The following CTBP2 variants were observed in gnomAD, a reference collection of about 807,000 sequenced individuals.
CTBP2 encodes C-terminal binding protein 2.
Under a neutral mutation model 80.3 loss-of-function variants are expected in CTBP2, and 30 were observed. The ratio of observed to expected loss-of-function variants is 0.37; its 90% confidence interval spans 0.28 to 0.51. The LOEUF is 0.51. Ranked by LOEUF, CTBP2 falls within the 20% of genes least tolerant of loss-of-function variation. The pLI, the probability that CTBP2 is intolerant of heterozygous loss-of-function variation, is 0.93. For missense variants in CTBP2, 1,212 were observed against 1,375.3 expected (o/e 0.88, Z 1.88); for synonymous variants, 594 against 587.4 (o/e 1.01, Z -0.16).
rs370503523 is a variant in CTBP2, at chr10:124,997,946, G to A, written c.2185+18C>T. The A allele has an allele frequency of 9.0e-5, 145 of 1,605,824 alleles. 1 individual carries two copies. The South Asian group carries it at 9.4e-4, about 10-fold the overall frequency. ...AGTGTCGGAGGGGTTGGGGGTCAGC[G>A]CAGAGGGTGGCACGTACCAAAGCCA... On this transcript the variant is annotated intron_variant, in intron 4 of 8. Transcript: ENST00000309035.
chr10:125,131,973 T>C (rs1195717743), intron 1 of CTBP2, among the ~76,000 whole-genome samples: 1 of 152,194 alleles, frequency 6.6e-6, no homozygotes. Flanking sequence ...GCTGGTGGTC[T>C]CTGCCATACT....
chr10:125,096,235 T>G (rs1340004209), intron 2 of CTBP2, among the ~76,000 whole-genome samples: 1 of 152,228 alleles, frequency 6.6e-6, no homozygotes, highest in Non-Finnish European at 1.5e-5. Context: ...TAACACTTCA[T>G]TACTATACTT....
intron 1 of CTBP2, among the ~76,000 whole-genome samples, chr10:125,149,777 G>A (rs1462066825): frequency 1.3e-5 from 2 of 152,202 alleles, no homozygotes; most frequent in African/African-American, 4.8e-5. Context: ...AGGTCAACCT[G>A]GGAGCTCCCG....
At chr10:125,151,336 C>T (rs1435545256) in intron 1 of CTBP2, among the ~76,000 whole-genome samples, 5 of 152,142 alleles carry the variant, frequency 3.3e-5, no homozygotes, top group African/African-American at 1.2e-4. Flanking sequence ...GGGTGAACAG[C>T]AGAGAACGCA....
rs1197555571 is a variant in CTBP2, at chr10:124,986,559, G to C, written c.*2959C>G. On this transcript the variant is annotated 3_prime_UTR_variant, in exon 9 of 9. Transcript: ENST00000309035. The stretch of plus-strand genomic sequence containing the variant: ...TTTTGCTGCATGCTAAATCTTGCAG[G>C]AAAAATGATTTTTTAGTACGATTCT... 2 of 152,088 alleles carry C rather than the reference G, an allele frequency of 1.3e-5. No homozygotes were observed. The highest frequency in any genetic ancestry group is 2.9e-5 in the Non-Finnish European group (2 of 68,020). The allele number at this position is 152,088 out of a possible 1,614,324, so 9.4% of individuals were successfully genotyped here.
At chr10:125,035,083 G>C (rs568619530) in intron 3 of CTBP2, among the ~76,000 whole-genome samples, 1 of 152,102 alleles carries the variant, frequency 6.6e-6, no homozygotes, top group African/African-American at 2.4e-5. Flanking sequence ...AAGAGCCCGC[G>C]ACACAGAAGA....
chr10:125,054,795 A>C (rs1389224186), intron 2 of CTBP2, among the ~76,000 whole-genome samples: 2 of 152,204 alleles, frequency 1.3e-5, no homozygotes, highest in Non-Finnish European at 2.9e-5. Flanking sequence ...CTAACAAAAA[A>C]CAAGCGAAAC....
intron 1 of CTBP2, among the ~76,000 whole-genome samples, chr10:125,021,650 C>T (rs74163310): frequency 0.018 from 2,761 of 152,220 alleles, 84 homozygotes; most frequent in African/African-American, 0.063. Flanking sequence ...GGCGAGGTCA[C>T]AAGAAGGGCT....
At chr10:125,015,280 C>T (rs2134465595) in intron 1 of CTBP2, among the ~76,000 whole-genome samples, 1 of 152,336 alleles carries the variant, frequency 6.6e-6, no homozygotes, top group Non-Finnish European at 1.5e-5. Context: ...ACTAGTCATC[C>T]CCACCCAAGC....
intron 1 of CTBP2, among the ~76,000 whole-genome samples, chr10:125,143,245 T>C (rs1270429530): frequency 1.3e-5 from 2 of 152,114 alleles, no homozygotes; most frequent in Admixed American, 6.5e-5. Context: ...CCCAGCACTT[T>C]GGGAGGCTGA....
chr10:124,998,761 A>G (rs4962717), intron 3 of CTBP2: 129,251 of 162,516 alleles, frequency 0.8, 52,376 homozygotes, highest in East Asian at 0.94. Flanking sequence ...CCCTGTGGTC[A>G]TGTGCTCAGC....
chr10:125,106,317 A>G (rs1337056642), intron 2 of CTBP2, among the ~76,000 whole-genome samples: 1 of 152,204 alleles, frequency 6.6e-6, no homozygotes, highest in Non-Finnish European at 1.5e-5. Flanking sequence ...GCCCCCGGGA[A>G]GCCATCTTCA....
chr10:125,120,755 A>G (rs1409742828), intron 1 of CTBP2, among the ~76,000 whole-genome samples: 1 of 152,156 alleles, frequency 6.6e-6, no homozygotes, highest in African/African-American at 2.4e-5. Context: ...ATAGTTCACT[A>G]CAGCCTCTAC....
At chr10:125,024,483 T>C (rs1383221844) in intron 1 of CTBP2, among the ~76,000 whole-genome samples, 1 of 152,108 alleles carries the variant, frequency 6.6e-6, no homozygotes, top group African/African-American at 2.4e-5. Context: ...ACCCAAATAA[T>C]GGCGAATGTT....
Position 124,992,774 on chromosome 10 carries a change from C to G in CTBP2, c.2698G>C (p.Glu900Gln). The stretch of plus-strand genomic sequence containing the variant: ...CAAGGCGCTGATGTGACAAAGAATT[C>G]CTTGTTCACACAATTTCTTAAGCTT... Residue 900 changes from glutamate to glutamine, a missense_variant, in exon 8 of 9, where the codon GAA becomes CAA. Physicochemically the swap from Glu to Gln is conservative, Grantham distance 29. Around this residue, in one of 3 missense-constraint regions of CTBP2, gnomAD observed 335 missense variants for 504.7 expected, o/e 0.66. Transcript: ENST00000309035. The G allele has an allele frequency of 6.2e-7, 1 of 1,611,188 alleles. No homozygotes were observed. The highest frequency in any genetic ancestry group is 1.1e-5 in the South Asian group (1 of 90,480).
At chr10:125,132,676 T>G (rs1048029263) in intron 1 of CTBP2, among the ~76,000 whole-genome samples, 12 of 152,194 alleles carry the variant, frequency 7.9e-5, no homozygotes, top group African/African-American at 2.9e-4. Context: ...ATCAAGCACC[T>G]TGGGTATATA....
chr10:125,086,373 A>T (rs567834000), intron 2 of CTBP2, among the ~76,000 whole-genome samples: 50 of 152,232 alleles, frequency 3.3e-4, no homozygotes, highest in Non-Finnish European at 6.2e-4. Context: ...CTCTACTAAA[A>T]ATACAAAAAT....
chr10:125,101,588 C>G (rs1342412702), intron 2 of CTBP2, among the ~76,000 whole-genome samples: 1 of 152,186 alleles, frequency 6.6e-6, no homozygotes, highest in Non-Finnish European at 1.5e-5. Flanking sequence ...GGTCGATGGG[C>G]AAGGAGTGAG....
intron 2 of CTBP2, among the ~76,000 whole-genome samples, chr10:125,061,186 A>G (rs544777575): frequency 6.6e-6 from 1 of 152,372 alleles, no homozygotes; most frequent in South Asian, 2.1e-4. Flanking sequence ...GAATGTTTTC[A>G]GGGCTAAGCA....
Sources: allele counts gnomAD v4.1 joint callset (sites outside exome capture counted in the v4.1 genomes callset), GRCh38; gene constraint gnomAD v4.1.1; regional missense constraint gnomAD v4.1.1; transcripts MANE v1.5; gene names NCBI Gene and HGNC (gene_info 2026-07-23, HGNC 2026-07-21).